SFMBT2: variants seen among roughly 807,000 people sequenced by gnomAD.
SFMBT2 encodes the protein Scm like with four mbt domains 2, also known as scm-like with four MBT domains protein 2.
A neutral mutation model predicts 110.1 loss-of-function variants in SFMBT2; 38 were observed. The observed-to-expected ratio is 0.35, with a 90% CI of 0.27 to 0.45. SFMBT2 has a LOEUF of 0.45. SFMBT2 is among the 20% of genes least tolerant of loss of function. The probability of loss-of-function intolerance (pLI) is 1.00; values close to 1 mark genes in which losing one functional copy is unlikely to be tolerated. For missense variants in SFMBT2, 1,011 were observed against 1,094.9 expected, an observed-to-expected ratio of 0.92 and a Z score of 1.08; for synonymous variants, 425 against 425.4, an observed-to-expected ratio of 1.00 and a Z score of 0.01.
At position 7,172,134 on chromosome 10, in the gene SFMBT2, C is replaced by A. The variant is rs765960968; in HGVS notation, c.2176G>T (p.Ala726Ser). Reference sequence around the variant, plus strand: ...TCACTGGCGGTGTCATCGTCCATGGCGTCAGCGTCCTCCTCTTCACTTTCC... The same window carrying A: ...TCACTGGCGGTGTCATCGTCCATGGAGTCAGCGTCCTCCTCTTCACTTTCC... ...GEESEEEDAD[A>S]MDDDTASEET... is the part of the protein sequence containing the mutation. The change falls in exon 19 of 21, where the codon GCC becomes TCC. Residue 726 changes from alanine (A) to serine (S), a missense_variant. Transcript: ENST00000397167. The surrounding 1 kb of genome is among the most constrained non-coding windows in gnomAD (Gnocchi z 4.6). 2 of 1,568,392 alleles carry A rather than the reference C, an allele frequency of 1.3e-6. No homozygotes were observed. Among genetic ancestry groups the A allele is most frequent in the South Asian group, 1.2e-5 (1 of 86,310 alleles).
chr10:7,373,851 G>C (rs370462387), intron 2 of SFMBT2, among the ~76,000 whole-genome samples: 2 of 152,128 alleles, frequency 1.3e-5, no homozygotes, highest in Non-Finnish European at 1.5e-5. Context: ...AGAAGACATC[G>C]GCATGAAACT....
intron 1 of SFMBT2, among the ~76,000 whole-genome samples, chr10:7,401,224 T>C (rs1846074270): frequency 6.6e-6 from 1 of 152,176 alleles, no homozygotes; most frequent in African/African-American, 2.4e-5. Flanking sequence ...CTTGGGACCT[T>C]AAAAGGCTCC....
intron 4 of SFMBT2, among the ~76,000 whole-genome samples, chr10:7,359,400 T>C (rs1337357894): frequency 1.3e-5 from 2 of 152,134 alleles, no homozygotes; most frequent in South Asian, 4.2e-4. Context: ...CTGACAATTA[T>C]GGAAGTGAAG....
chr10:7,263,821 C>T (rs1314029440), intron 7 of SFMBT2, among the ~76,000 whole-genome samples: 2 of 152,142 alleles, frequency 1.3e-5, no homozygotes, highest in Non-Finnish European at 2.9e-5. Flanking sequence ...AAGAGAAGCC[C>T]GCGTCTTCCT....
intron 9 of SFMBT2, among the ~76,000 whole-genome samples, chr10:7,237,454 TTTTAA>T (rs1345593478): frequency 1.3e-5 from 2 of 152,268 alleles, no homozygotes; most frequent in African/African-American, 4.8e-5. Flanking sequence ...ATAAGGTCTA[TTTTAA>T]TTTGACGGTA....
At chr10:7,398,145 A>G (rs1454981029) in intron 1 of SFMBT2, among the ~76,000 whole-genome samples, 1 of 152,258 alleles carries the variant, frequency 6.6e-6, no homozygotes, top group East Asian at 1.9e-4. Flanking sequence ...ATACTAGGAA[A>G]TAAGATCTAC....
Position 7,277,125 on chromosome 10 carries a change from C to T in SFMBT2, c.773-136G>A, listed in dbSNP as rs187492275. 1.4e-4 allele frequency: 83 copies of T among 601,976 alleles called. 1 individual carries two copies. Among genetic ancestry groups the T allele is most frequent in the Middle Eastern group, 1.3e-3 (5 of 3,796 alleles). The allele number at this position is 601,976 out of a possible 1,614,324, so 37.3% of individuals were successfully genotyped here. A position where few individuals can be genotyped will look rare whatever the true frequency, so the allele number is the denominator to read the frequency against. ...ACCGTGAGTGTTCACACCCCATACC[C>T]ACCATGAGCAGCCACCTGCTGAAAG... On this transcript the variant is annotated intron_variant, in intron 6 of 20. Coordinates refer to ENST00000397167, the MANE Select transcript of SFMBT2 (RefSeq NM_001387889.1).
chr10:7,180,952 C>T lies in SFMBT2; in HGVS notation c.1809-4787G>A, dbSNP rs187187972. 4.0e-3 allele frequency among the ~76,000 whole-genome samples: 613 copies of T among 152,190 alleles called. 11 individuals are homozygous for T. In the South Asian group the frequency reaches 0.052, roughly 13 times the overall value. On this transcript the variant is annotated intron_variant, in intron 16 of 20. Coordinates refer to ENST00000397167, the MANE Select transcript of SFMBT2 (RefSeq NM_001387889.1). ...ATTGGAGCCTACGTTCCACCACAAG[C>T]GCACAGAAAAGGGTGAACACAGCAG...
chr10:7,251,876 G>C (rs1373846641), intron 7 of SFMBT2, among the ~76,000 whole-genome samples: 1 of 152,102 alleles, frequency 6.6e-6, no homozygotes, highest in Non-Finnish European at 1.5e-5. Context: ...GACAAGCATG[G>C]GTCTTCTCCC....
intron 7 of SFMBT2, among the ~76,000 whole-genome samples, chr10:7,255,871 C>G (rs1250437393): frequency 6.6e-6 from 1 of 152,226 alleles, no homozygotes; most frequent in Non-Finnish European, 1.5e-5. Context: ...ACAAGATGCT[C>G]ACATGAGATG....
In SFMBT2 at chr10:7,277,001, G is replaced by A; in HGVS notation, c.773-12C>T. On this transcript the variant is annotated splice_polypyrimidine_tract_variant and intron_variant, in intron 6 of 20. Coordinates refer to ENST00000397167, the MANE Select transcript of SFMBT2 (RefSeq NM_001387889.1). ...CAAAGGATAGATTTCTGTATCAACA[G>A]CAAATCACAGAAGAGTTGAAGGACT... is the stretch of plus-strand genomic sequence containing the variant. 1.2e-6 allele frequency: 1 copy of A among 863,594 alleles called. No individual in the cohort carries two copies. The allele number at this position is 863,594 out of a possible 1,614,324, so 53.5% of individuals were successfully genotyped here. A position where few individuals can be genotyped will look rare whatever the true frequency, so the allele number is the denominator to read the frequency against.
chr10:7,194,144 C>T (rs1191851652), intron 15 of SFMBT2, among the ~76,000 whole-genome samples: 3 of 152,208 alleles, frequency 2.0e-5, no homozygotes, highest in Non-Finnish European at 2.9e-5. Context: ...AGGCCTGCTT[C>T]GTTCTGAGTT....
chr10:7,313,908 A>C (rs1451483262), intron 4 of SFMBT2, among the ~76,000 whole-genome samples: 1 of 152,220 alleles, frequency 6.6e-6, no homozygotes, highest in African/African-American at 2.4e-5. Context: ...GAAACAGGAA[A>C]ATATCTAGAT....
chr10:7,257,747 G>A (rs553270204), intron 7 of SFMBT2, among the ~76,000 whole-genome samples: 5 of 152,274 alleles, frequency 3.3e-5, no homozygotes, highest in Middle Eastern at 3.4e-3. Flanking sequence ...CACAGACTCC[G>A]AAAATAGCTA....
intron 7 of SFMBT2, among the ~76,000 whole-genome samples, chr10:7,262,676 C>T (rs376596168): frequency 6.6e-6 from 1 of 152,204 alleles, no homozygotes; most frequent in Non-Finnish European, 1.5e-5. Flanking sequence ...CTGCAGACAG[C>T]GGAGCTCAGG....
intron 4 of SFMBT2, among the ~76,000 whole-genome samples, chr10:7,354,002 G>A (rs905537972): frequency 6.0e-5 from 9 of 151,106 alleles, no homozygotes; most frequent in South Asian, 2.1e-4. Flanking sequence ...CAGGAGAATC[G>A]CTCGAACCCG....
intron 4 of SFMBT2, among the ~76,000 whole-genome samples, chr10:7,362,665 C>T (rs887860956): frequency 2.6e-5 from 4 of 152,262 alleles, no homozygotes; most frequent in African/African-American, 9.6e-5. Context: ...AACCAACTGA[C>T]TTGACTCAGC....
At chr10:7,281,767 C>T (rs1841954121) in intron 6 of SFMBT2, among the ~76,000 whole-genome samples, 1 of 152,168 alleles carries the variant, frequency 6.6e-6, no homozygotes, top group Admixed American at 6.5e-5. Flanking sequence ...GTTTCTTCTT[C>T]CTGTACATAA....
At chr10:7,378,346 G>A (rs1845320367) in intron 2 of SFMBT2, among the ~76,000 whole-genome samples, 1 of 113,826 alleles carries the variant, frequency 8.8e-6, no homozygotes, top group African/African-American at 4.1e-5. Context: ...GTGTGTGTGG[G>A]TGTATGTGTG....
Sources: gnomAD v4.1 joint callset for allele counts (sites outside exome capture counted in the v4.1 genomes callset) on GRCh38, gnomAD v4.1.1 for gene constraint, Gnocchi (gnomAD v3.1) non-coding constraint, MANE v1.5 for transcripts, NCBI Gene and HGNC (gene_info 2026-07-23, HGNC 2026-07-21) for gene names.